CYRIA: variants seen among roughly 807,000 people sequenced by gnomAD.
CYRIA encodes the protein CYFIP related Rac1 interactor A.
Under a neutral mutation model 43.9 loss-of-function variants are expected in CYRIA, and 15 were observed. The ratio of observed to expected loss-of-function variants is 0.34; its 90% confidence interval spans 0.23 to 0.53. The LOEUF is 0.53. Among genes scored for constraint, CYRIA ranks in the 20% least tolerant of loss-of-function variants. CYRIA has a pLI of 0.94. For missense variants in CYRIA, 236 were observed against 394.2 expected (o/e 0.60, Z 3.40); for synonymous variants, 117 against 136.0 (o/e 0.86, Z 0.97).
intron 1 of CYRIA, among the ~76,000 whole-genome samples, chr2:16,640,384 T>C (rs563055238): frequency 1.5e-4 from 23 of 152,314 alleles, no homozygotes; most frequent in Admixed American, 3.3e-4. Context: ...GATGATACCA[T>C]TGGGGGCCAT....
At chr2:16,577,870 G>T (rs1667404554) in intron 3 of CYRIA, among the ~76,000 whole-genome samples, 1 of 152,228 alleles carries the variant, frequency 6.6e-6, no homozygotes, top group Non-Finnish European at 1.5e-5. Flanking sequence ...CTTATCTAAG[G>T]GTGAAGTGTG....
chr2:16,581,267 C>T (rs1572477240), intron 3 of CYRIA, among the ~76,000 whole-genome samples: 1 of 152,150 alleles, frequency 6.6e-6, no homozygotes, highest in East Asian at 1.9e-4. Flanking sequence ...GACGAACAAC[C>T]TAATTAAAAC....
intron 1 of CYRIA, among the ~76,000 whole-genome samples, chr2:16,646,053 G>C (rs1558440896): frequency 6.6e-6 from 1 of 152,240 alleles, no homozygotes; most frequent in African/African-American, 2.4e-5. Flanking sequence ...AGTATGACCA[G>C]AACTGCACAG....
intron 3 of CYRIA, among the ~76,000 whole-genome samples, chr2:16,577,089 GCTACAACAACTTGC>G (rs1316097341): frequency 6.6e-6 from 1 of 152,102 alleles, no homozygotes; most frequent in Non-Finnish European, 1.5e-5. Flanking sequence ...AGAGATCTAT[GCTACAACAACTTGC>G]CTACAGTTAA....
At chr2:16,570,302 C>A (rs1667081541) in intron 3 of CYRIA, among the ~76,000 whole-genome samples, 1 of 152,092 alleles carries the variant, frequency 6.6e-6, no homozygotes, top group African/African-American at 2.4e-5. Context: ...TATTTACCTA[C>A]AGTCAAATTG....
chr2:16,661,181 G>A (rs1352413160), intron 1 of CYRIA, among the ~76,000 whole-genome samples: 1 of 152,186 alleles, frequency 6.6e-6, no homozygotes, highest in Middle Eastern at 3.4e-3. Context: ...AGGCTGGGGT[G>A]GGAGGATTAC....
chr2:16,635,785 T>C (rs886939410), intron 1 of CYRIA, among the ~76,000 whole-genome samples: 9 of 152,180 alleles, frequency 5.9e-5, no homozygotes, highest in Non-Finnish European at 1.3e-4. Flanking sequence ...TGAAGCGTCT[T>C]GAAAAGTGAG....
At chr2:16,629,142 CT>C (rs1190923993) in intron 1 of CYRIA, among the ~76,000 whole-genome samples, 1 of 152,166 alleles carries the variant, frequency 6.6e-6, no homozygotes, top group East Asian at 1.9e-4. Context: ...ACTGGACCTG[CT>C]GGAGAAACCG....
chr2:16,652,985 G>A (rs1203521583), intron 1 of CYRIA, among the ~76,000 whole-genome samples: 1 of 152,122 alleles, frequency 6.6e-6, no homozygotes, highest in Non-Finnish European at 1.5e-5. Flanking sequence ...TATTTAACTA[G>A]GACTCTTGGA....
intron 1 of CYRIA, among the ~76,000 whole-genome samples, chr2:16,657,174 C>T (rs1026548240): frequency 6.6e-6 from 1 of 152,208 alleles, no homozygotes; most frequent in African/African-American, 2.4e-5. Context: ...AAGTGACAAG[C>T]TCAAGCTCAC....
intron 1 of CYRIA, among the ~76,000 whole-genome samples, chr2:16,653,119 C>CA (rs1670017483): frequency 6.6e-6 from 1 of 152,198 alleles, no homozygotes; most frequent in Admixed American, 6.5e-5. Flanking sequence ...CTGCATGGTG[C>CA]ACAGGCCAGC....
intron 3 of CYRIA, among the ~76,000 whole-genome samples, chr2:16,587,584 T>C (rs189092095): frequency 2.6e-3 from 390 of 152,250 alleles, no homozygotes; most frequent in Non-Finnish European, 3.6e-3. Flanking sequence ...GCATAGTGAC[T>C]GATATGATTT....
intron 1 of CYRIA, among the ~76,000 whole-genome samples, chr2:16,655,734 C>T (rs1419936105): frequency 6.6e-6 from 1 of 152,128 alleles, no homozygotes; most frequent in East Asian, 1.9e-4. Context: ...TTCCTACTTT[C>T]CCCAACTGAC....
intron 2 of CYRIA, among the ~76,000 whole-genome samples, chr2:16,591,030 T>C (rs1265279333): frequency 6.6e-6 from 1 of 152,158 alleles, no homozygotes; most frequent in Non-Finnish European, 1.5e-5. Flanking sequence ...CTCTCATCCA[T>C]ATTCTGCATG....
intron 3 of CYRIA, among the ~76,000 whole-genome samples, chr2:16,583,918 G>A (rs1020107452): frequency 6.6e-6 from 1 of 152,178 alleles, no homozygotes; most frequent in African/African-American, 2.4e-5. Context: ...AATACCTAAG[G>A]ACAGATGTGT....
rs565600336 is a variant in CYRIA at position 16,650,988 on chromosome 2, C to T, written c.-167+14792G>A. On this transcript the variant is annotated intron_variant, in intron 1 of 11. Transcript: ENST00000381323. This position sits in a 1 kb window ranked among gnomAD's most constrained non-coding sequence, Gnocchi z 4.1. Reference sequence around the variant, plus strand: ...TTCCATTCAACGGGGGCGAGTGAGTCACCATAATCATTTATTTAGACGCAT... The same window carrying T: ...TTCCATTCAACGGGGGCGAGTGAGTTACCATAATCATTTATTTAGACGCAT... 2.2e-4 allele frequency among the ~76,000 whole-genome samples: 34 copies of T among 152,174 alleles called. No homozygotes were observed. Among genetic ancestry groups the T allele is most frequent in the Non-Finnish European group, 4.1e-4 (28 of 68,036 alleles).
At chr2:16,570,575 T>G (rs1218989535) in intron 3 of CYRIA, among the ~76,000 whole-genome samples, 2 of 152,224 alleles carry the variant, frequency 1.3e-5, no homozygotes, top group Non-Finnish European at 2.9e-5. Flanking sequence ...TTGAAATTTA[T>G]TGTGTTTTCA....
chr2:16,556,294 C>T (rs185216509), intron 10 of CYRIA, among the ~76,000 whole-genome samples: 13 of 152,152 alleles, frequency 8.5e-5, no homozygotes, highest in East Asian at 5.8e-4. Context: ...TCATGGCAAA[C>T]GAGAGGTGTC....
At position 16,585,579 on chromosome 2, in the gene CYRIA, C is replaced by T. The variant is rs140740478; in HGVS notation, c.70+2471G>A. ...TAGCTCTAGCCCCAGTAATAAGCTA[C>T]CAGATATGGGAATCCAGTCCACACT... On this transcript the variant is annotated intron_variant, in intron 3 of 11. Coordinates refer to ENST00000381323, the MANE Select transcript of CYRIA (RefSeq NM_030797.4). Among the ~76,000 whole-genome samples the T allele has an allele frequency of 3.1e-3, 471 of 152,232 alleles. 4 individuals are homozygous for T. Among genetic ancestry groups the T allele is most frequent in the African/African-American group, 0.011 (449 of 41,544 alleles).
Sources: allele counts gnomAD v4.1 joint callset (sites outside exome capture counted in the v4.1 genomes callset), GRCh38; gene constraint gnomAD v4.1.1; non-coding constraint Gnocchi (gnomAD v3.1); transcripts MANE v1.5; gene names NCBI Gene and HGNC (gene_info 2026-07-23, HGNC 2026-07-21).